Variants in ADGB observed in about 807,000 individuals in gnomAD.
ADGB encodes the protein calpain-7-like protein.
Under a neutral mutation model 210.5 loss-of-function variants are expected in ADGB, and 172 were observed. The ratio of observed to expected loss-of-function variants is 0.82; its 90% CI spans 0.72 to 0.93. The LOEUF (loss-of-function observed/expected upper bound fraction) is 0.93. Ranked by LOEUF, ADGB falls within the 40% of genes least tolerant of loss-of-function variation. The pLI is 0.00. For missense variants in ADGB, 2,025 were observed against 1,964.8 expected (o/e 1.03, Z -0.58); for synonymous variants, 658 against 662.7 (o/e 0.99, Z 0.11).
intron 35 of ADGB, chr6:146,807,652 T>C: frequency 7.8e-7 from 1 of 1,280,180 alleles, no homozygotes; most frequent in South Asian, 1.5e-5. Flanking sequence ...GATCTTTAAC[T>C]GCCTGCTGAT....
intron 1 of ADGB, among the ~76,000 whole-genome samples, chr6:146,616,950 A>G (rs927506688): frequency 6.6e-6 from 1 of 152,080 alleles, no homozygotes; most frequent in Non-Finnish European, 1.5e-5. Context: ...CTCCATACAA[A>G]TTTTAGAATA....
intron 20 of ADGB, 26 bp downstream of exon 20, chr6:146,728,767 C>G: frequency 6.8e-7 from 1 of 1,472,862 alleles, no homozygotes; most frequent in Non-Finnish European, 9.1e-7. Flanking sequence ...ATACAATGTT[C>G]AGAAGAGGAA....
intron 33 of ADGB, among the ~76,000 whole-genome samples, chr6:146,798,663 CT>C (rs902140847): frequency 6.6e-6 from 1 of 150,962 alleles, no homozygotes; most frequent in Non-Finnish European, 1.5e-5. Flanking sequence ...ATATGCTAAA[CT>C]TCTAAAAAAC....
intron 9 of ADGB, among the ~76,000 whole-genome samples, chr6:146,684,845 A>G (rs1490087267): frequency 6.6e-6 from 1 of 151,996 alleles, no homozygotes; most frequent in Non-Finnish European, 1.5e-5. Context: ...GGAAAAGGCA[A>G]TCAATATGTG....
intron 1 of ADGB, among the ~76,000 whole-genome samples, chr6:146,603,424 A>G (rs1163381855): frequency 6.6e-6 from 1 of 152,212 alleles, no homozygotes; most frequent in Admixed American, 6.5e-5. Context: ...GACAGTATTA[A>G]TGCATACACT....
intron 32 of ADGB, among the ~76,000 whole-genome samples, chr6:146,786,750 C>T (rs1777880874): frequency 6.6e-6 from 1 of 152,090 alleles, no homozygotes; most frequent in South Asian, 2.1e-4. Flanking sequence ...TAATGTAATG[C>T]TAGGAAAACA....
intron 32 of ADGB, 81 bp from the exon 33 acceptor site, chr6:146,788,308 C>T: frequency 8.0e-7 from 1 of 1,249,896 alleles, no homozygotes; most frequent in Non-Finnish European, 1.1e-6. Flanking sequence ...AATCTGTGCT[C>T]CCATCATCAA....
intron 26 of ADGB, 89 bp from the exon 27 acceptor site, chr6:146,752,441 G>A: frequency 1.7e-6 from 2 of 1,196,770 alleles, no homozygotes; most frequent in Non-Finnish European, 2.3e-6. Context: ...GCAGATTTGG[G>A]CAGGGACATA....
intron 27 of ADGB, among the ~76,000 whole-genome samples, chr6:146,761,316 C>G (rs1777485909): frequency 6.6e-6 from 1 of 151,854 alleles, no homozygotes; most frequent in South Asian, 2.1e-4. Flanking sequence ...TGTAGATATA[C>G]AGTTTTTCTG....
chr6:146,667,398 A>G (rs370241498), intron 7 of ADGB, among the ~76,000 whole-genome samples: 104 of 152,032 alleles, frequency 6.8e-4, no homozygotes, highest in African/African-American at 2.3e-3. Flanking sequence ...AGTGGTTAAC[A>G]CCTGTTCTCT....
chr6:146,632,878 T>C (rs898075837), intron 1 of ADGB, among the ~76,000 whole-genome samples: 3 of 152,124 alleles, frequency 2.0e-5, no homozygotes, highest in African/African-American at 7.2e-5. Flanking sequence ...TTAGAATTGT[T>C]CTTGCTCAAT....
rs189147157 is a variant in ADGB, at chr6:146,706,757, G to A, written c.1707+5687G>A. Among the ~76,000 whole-genome samples, 907 of 146,476 alleles carry A rather than the reference G, an allele frequency of 6.2e-3. 9 individuals carry two copies. The highest frequency in any genetic ancestry group is 0.02 in the African/African-American group (793 of 39,552). On this transcript the variant is annotated intron_variant, in intron 13 of 35. Coordinates refer to ENST00000397944, the MANE Select transcript of ADGB (RefSeq NM_024694.4). The stretch of plus-strand genomic sequence containing the variant: ...TTGTAATGCTTCCTTTTTTATTTCT[G>A]ATTTTGTTTGAGTCTTTTCTCCTTT...
intron 13 of ADGB, among the ~76,000 whole-genome samples, chr6:146,714,112 CT>C (rs1776697132): frequency 6.6e-6 from 1 of 152,096 alleles, no homozygotes; most frequent in African/African-American, 2.4e-5. Context: ...TAGCTTCTTT[CT>C]TTCATATAAG....
At chr6:146,697,772 A>T (rs1041477731) in intron 12 of ADGB, among the ~76,000 whole-genome samples, 1 of 152,218 alleles carries the variant, frequency 6.6e-6, no homozygotes, top group African/African-American at 2.4e-5. Flanking sequence ...TAAAGGGAAA[A>T]GTTTAAGTCA....
In ADGB at chr6:146,726,174, G is replaced by A. The variant is rs1236728241; in HGVS notation, c.2329G>A (p.Val777Ile). 7 of 1,548,252 alleles carry A rather than the reference G, an allele frequency of 4.5e-6. No individual in the cohort carries two copies. The highest frequency in any genetic ancestry group is 1.4e-5 in the African/African-American group (1 of 73,086). Reference sequence around the variant, plus strand: ...GTCATTTGTCATTGGGGATGAACACGTTGTACTGCCCAACTTTGAACCAGT... The same window carrying A: ...GTCATTTGTCATTGGGGATGAACACATTGTACTGCCCAACTTTGAACCAGT... Reference protein sequence around the residue: ...MVSFVIGDEHVVLPNFEPESC... With the variant: ...MVSFVIGDEHIVLPNFEPESC... Residue 777 changes from valine (V) to isoleucine (I), a missense_variant, in exon 19 of 36, where the codon GTT (valine) becomes ATT (isoleucine). Coordinates refer to ENST00000397944, the MANE Select transcript of ADGB (RefSeq NM_024694.4).
At chr6:146,646,432 G>A (rs1232177830) in intron 3 of ADGB, among the ~76,000 whole-genome samples, 1 of 152,054 alleles carries the variant, frequency 6.6e-6, no homozygotes, top group Non-Finnish European at 1.5e-5. Context: ...GCCCTCTCAA[G>A]TAATATAAGA....
chr6:146,737,985 A>G (rs1777104811), intron 23 of ADGB, among the ~76,000 whole-genome samples: 1 of 152,236 alleles, frequency 6.6e-6, no homozygotes, highest in South Asian at 2.1e-4. Context: ...TTAAACTCAA[A>G]TGCCAGTGGC....
intron 27 of ADGB, among the ~76,000 whole-genome samples, chr6:146,753,406 G>A (rs1777356004): frequency 6.6e-6 from 1 of 151,966 alleles, no homozygotes; most frequent in African/African-American, 2.4e-5. Flanking sequence ...TTTGCCCATT[G>A]ATATTTCTTC....
intron 12 of ADGB, among the ~76,000 whole-genome samples, chr6:146,697,073 C>G (rs930185898): frequency 1.3e-5 from 2 of 151,882 alleles, no homozygotes; most frequent in African/African-American, 2.4e-5. Context: ...AAAAGACTAA[C>G]TAAATACAAC....
Sources: allele counts gnomAD v4.1 joint callset (sites outside exome capture counted in the v4.1 genomes callset), GRCh38; gene constraint gnomAD v4.1.1; transcripts MANE v1.5; gene names NCBI Gene and HGNC (gene_info 2026-07-23, HGNC 2026-07-21).